The following EYS variants were observed in gnomAD, a reference collection of about 807,000 sequenced individuals.
The protein encoded by EYS is protein eyes shut homolog.
EYS carries 250 observed loss-of-function variants against 282.1 expected under a neutral mutation model. The ratio of observed to expected loss-of-function variants is 0.89; its 90% CI spans 0.80 to 0.98. The LOEUF (loss-of-function observed/expected upper bound fraction) is 0.98, where lower values mean the gene tolerates loss of function less well. Ranked by LOEUF, EYS falls within the 50% of genes least tolerant of loss-of-function variation. EYS has a pLI of 0.00. For missense variants in EYS, 4,016 were observed against 3,709.0 expected (o/e 1.08, Z -2.15); for synonymous variants, 1,355 against 1,282.9 (o/e 1.06, Z -1.20).
chr6:65,284,156 T>C (rs533273061), intron 12 of EYS, among the ~76,000 whole-genome samples: 93 of 152,222 alleles, frequency 6.1e-4, no homozygotes, highest in African/African-American at 2.1e-3. Context: ...TGTTGCTAGG[T>C]TCATGTTGTA....
At chr6:63,883,281 T>C (rs1367554799) in intron 35 of EYS, among the ~76,000 whole-genome samples, 2 of 152,220 alleles carry the variant, frequency 1.3e-5, no homozygotes, top group African/African-American at 4.8e-5. Context: ...TTGCTTCACA[T>C]GTCCTTGGTG....
chr6:64,891,251 C>A (rs1767283871), intron 18 of EYS, among the ~76,000 whole-genome samples: 1 of 151,948 alleles, frequency 6.6e-6, no homozygotes, highest in South Asian at 2.1e-4. Context: ...TACTTTCCAC[C>A]ACACTAAACA....
intron 22 of EYS, among the ~76,000 whole-genome samples, chr6:64,767,196 G>T (rs147876436): frequency 6.6e-6 from 1 of 151,852 alleles, no homozygotes; most frequent in South Asian, 2.1e-4. Flanking sequence ...GTGATGTTTT[G>T]ATGTATGTAA....
At chr6:63,908,011 C>T (rs202153009) in intron 35 of EYS, among the ~76,000 whole-genome samples, 2 of 21,796 alleles carry the variant, frequency 9.2e-5, no homozygotes, top group East Asian at 1.8e-3. Context: ...CACACACAAA[C>T]GTATATATAT....
At position 64,591,812 on chromosome 6, in the gene EYS, T is replaced by C; in HGVS notation, c.4055A>G (p.Asn1352Ser). ...SADVSSSRFL[N>S]FGIRDPAQIV... ...TTGTGCTGGGTCACGAATACCAAAA[T>C]TCAGGAATCGAGAAGAGGAAACATC... Residue 1352 changes from asparagine (N) to serine (S), a missense_variant, in exon 26 of 43, where the codon AAT becomes AGT. By Grantham distance (46) the Asn-to-Ser change is conservative. Coordinates refer to ENST00000503581, the MANE Select transcript of EYS (RefSeq NM_001142800.2). 6.4e-7 allele frequency: 1 copy of C among 1,551,248 alleles called. No individual in the cohort carries two copies. The highest frequency in any genetic ancestry group is 8.7e-7 in the Non-Finnish European group (1 of 1,146,718).
intron 2 of EYS, among the ~76,000 whole-genome samples, chr6:65,629,896 T>G (rs1244586819): frequency 1.3e-5 from 2 of 152,060 alleles, no homozygotes; most frequent in African/African-American, 4.8e-5. Flanking sequence ...AAAACAAGCC[T>G]ATAAAAAAAT....
intron 2 of EYS, among the ~76,000 whole-genome samples, chr6:65,503,752 A>G (rs1437644378): frequency 6.6e-6 from 1 of 151,690 alleles, no homozygotes; most frequent in African/African-American, 2.4e-5. Flanking sequence ...TATTTATCAC[A>G]GATTAGTTGA....
chr6:63,897,476 T>C (rs1562085277), intron 35 of EYS, among the ~76,000 whole-genome samples: 1 of 151,204 alleles, frequency 6.6e-6, no homozygotes, highest in East Asian at 1.9e-4. Flanking sequence ...GAGATAGAGA[T>C]TGGAGTGATG....
At position 65,405,378 on chromosome 6, in the gene EYS, T is replaced by C; in HGVS notation, c.863-11A>G. 1 of 1,480,192 alleles carries C rather than the reference T, an allele frequency of 6.8e-7. No individual in the cohort carries two copies. The allele number at this position is 1,480,192 out of a possible 1,614,324, so 91.7% of individuals were successfully genotyped here. A position where few individuals can be genotyped will look rare whatever the true frequency, so the allele number is the denominator to read the frequency against. The stretch of plus-strand genomic sequence containing the variant: ...CCTCACAGAATGGACCTTAAAAAAA[T>C]CACACACAAGAAAAAAAAAGAAAAG... On this transcript the variant is annotated splice_polypyrimidine_tract_variant and intron_variant, in intron 5 of 42. Coordinates refer to ENST00000503581, the MANE Select transcript of EYS (RefSeq NM_001142800.2).
chr6:64,315,294 C>A (rs1049823344), intron 29 of EYS, among the ~76,000 whole-genome samples: 2 of 152,086 alleles, frequency 1.3e-5, no homozygotes, highest in African/African-American at 4.8e-5. Flanking sequence ...CAACCAAAAA[C>A]GTCCAGGATC....
intron 30 of EYS, among the ~76,000 whole-genome samples, chr6:64,295,949 T>G (rs2150368994): frequency 6.6e-6 from 1 of 152,272 alleles, no homozygotes; most frequent in African/African-American, 2.4e-5. Context: ...AGATATATGT[T>G]GACATTTGGT....
At chr6:64,350,306 T>C (rs1163169742) in intron 29 of EYS, among the ~76,000 whole-genome samples, 1 of 149,542 alleles carries the variant, frequency 6.7e-6, no homozygotes, top group South Asian at 2.1e-4. Flanking sequence ...ACTTTAAGAA[T>C]GATAGTAACT....
At chr6:64,424,607 C>T (rs566341560) in intron 28 of EYS, among the ~76,000 whole-genome samples, 25 of 152,204 alleles carry the variant, frequency 1.6e-4, no homozygotes, top group Non-Finnish European at 3.5e-4. Flanking sequence ...GATTGCATTT[C>T]TTCCCGTGCT....
chr6:65,692,020 T>G (rs1769261538), intron 1 of EYS, among the ~76,000 whole-genome samples: 1 of 150,132 alleles, frequency 6.7e-6, no homozygotes, highest in Non-Finnish European at 1.5e-5. Flanking sequence ...TGAAATACAC[T>G]TAAGAGTCCA....
At chr6:64,847,294 T>C (rs1226874227) in intron 19 of EYS, among the ~76,000 whole-genome samples, 3 of 152,038 alleles carry the variant, frequency 2.0e-5, no homozygotes, top group Non-Finnish European at 4.4e-5. Context: ...TGTGTGTGTG[T>C]GTGTGTGTAT....
chr6:64,881,164 C>T (rs186126351), intron 19 of EYS, among the ~76,000 whole-genome samples: 2 of 151,852 alleles, frequency 1.3e-5, no homozygotes, highest in African/African-American at 2.4e-5. Context: ...GCAAAAACTA[C>T]CCCCTAACAA....
intron 41 of EYS, among the ~76,000 whole-genome samples, chr6:63,737,360 C>T (rs1382354150): frequency 1.3e-5 from 2 of 151,898 alleles, no homozygotes; most frequent in African/African-American, 4.8e-5. Context: ...TGGTTTTTGT[C>T]TTTGGTTCTG....
chr6:64,890,023 C>A (rs1767228315), intron 18 of EYS, among the ~76,000 whole-genome samples: 1 of 141,004 alleles, frequency 7.1e-6, no homozygotes, highest in African/African-American at 2.7e-5. Context: ...GAATATGCAC[C>A]TGGAGGTATA....
chr6:64,707,215 A>G (rs578221497), intron 22 of EYS, among the ~76,000 whole-genome samples: 19 of 152,242 alleles, frequency 1.2e-4, no homozygotes, highest in African/African-American at 4.6e-4. Context: ...AGAATTGAAG[A>G]CCATTATTTT....
Sources: gnomAD v4.1 joint callset for allele counts (sites outside exome capture counted in the v4.1 genomes callset) on GRCh38, gnomAD v4.1.1 for gene constraint, MANE v1.5 for transcripts, NCBI Gene and HGNC (gene_info 2026-07-23, HGNC 2026-07-21) for gene names.